Variants in AP2A2 observed in about 807,000 individuals in gnomAD.
AP2A2 encodes adaptor related protein complex 2 subunit alpha 2.
Under a neutral mutation model 104.2 loss-of-function variants are expected in AP2A2, and 32 were observed. That is an observed-to-expected ratio of 0.31 (90% CI 0.23 to 0.41). The LOEUF is 0.41. Among genes scored for constraint, AP2A2 ranks in the 10% least tolerant of loss-of-function variants. The pLI, the probability that AP2A2 is intolerant of heterozygous loss-of-function variation, is 1.00. For synonymous variants in AP2A2, 539 were observed against 533.3 expected (o/e 1.01, Z -0.15); for missense variants, 912 against 1,261.0 (o/e 0.72, Z 4.19).
chr11:1,001,069 G>T (rs1017937413), intron 15 of AP2A2, among the ~76,000 whole-genome samples: 1 of 152,210 alleles, frequency 6.6e-6, no homozygotes, highest in African/African-American at 2.4e-5. Flanking sequence ...AAGTCCTTCT[G>T]TGAGGCCCAC....
At position 968,359 on chromosome 11, in the gene AP2A2, C is replaced by T. The variant is rs914376278; in HGVS notation, c.137-1810C>T. On this transcript the variant is annotated intron_variant, in intron 2 of 21. Coordinates refer to ENST00000448903, the MANE Select transcript of AP2A2 (RefSeq NM_012305.4). The surrounding 1 kb of genome is among the most constrained non-coding windows in gnomAD (Gnocchi z 4.2). ...ACCCGGGAGCTCTAGAGCAGCTCTTCGTCTGGGGTCCCGCGGGAGCAGAGG... is the reference window on the plus strand; with the variant it reads ...ACCCGGGAGCTCTAGAGCAGCTCTTTGTCTGGGGTCCCGCGGGAGCAGAGG... Among the ~76,000 whole-genome samples, 7 of 152,022 alleles carry T rather than the reference C, an allele frequency of 4.6e-5. No individual in the cohort carries two copies. The highest frequency in any genetic ancestry group is 9.7e-5 in the African/African-American group (4 of 41,404).
At chr11:931,286 C>G (rs1034201884) in intron 1 of AP2A2, among the ~76,000 whole-genome samples, 8 of 152,078 alleles carry the variant, frequency 5.3e-5, no homozygotes, top group African/African-American at 1.7e-4. Context: ...GCTATTTATT[C>G]AGTTATTTTG....
At chr11:1,009,303 C>T in intron 19 of AP2A2, 25 bp from the exon 20 acceptor site, 1 of 1,612,552 alleles carries the variant, frequency 6.2e-7, no homozygotes, top group South Asian at 1.1e-5. Flanking sequence ...TGGCTGAGAA[C>T]ACTCGCCTTT....
chr11:967,792 G>A (rs1854672085), intron 2 of AP2A2, among the ~76,000 whole-genome samples: 1 of 152,140 alleles, frequency 6.6e-6, no homozygotes, highest in Admixed American at 6.5e-5. Flanking sequence ...ATCCTTTTAT[G>A]GTTTAGGATG....
chr11:1,011,477 G>A lies in AP2A2; in HGVS notation c.*852G>A, dbSNP rs1359061618. 4.0e-6 allele frequency: 2 copies of A among 498,742 alleles called. No individual in the cohort carries two copies. Among genetic ancestry groups the A allele is most frequent in the Non-Finnish European group, 8.0e-6 (2 of 250,090 alleles). 30.9% of individuals were successfully genotyped at this position (498,742 alleles called of 1,614,324 possible). On this transcript the variant is annotated 3_prime_UTR_variant, in exon 22 of 22. Coordinates refer to ENST00000448903, the MANE Select transcript of AP2A2 (RefSeq NM_012305.4). ...CGGCCCCGTCCAGTCGTCCCTGGAG[G>A]GGCTGTGGAGGAGGGACGCCTCTGT... is the stretch of plus-strand genomic sequence containing the variant.
chr11:981,069 G>A, intron 5 of AP2A2, 129 bp from the exon 6 acceptor site: 2 of 662,652 alleles, frequency 3.0e-6, no homozygotes, highest in Non-Finnish European at 5.2e-6. Flanking sequence ...TCTCGGAGTA[G>A]GCCTGAGGCC....
chr11:972,360 A>G (rs181555439), intron 4 of AP2A2, 105 bp downstream of exon 4: 2 of 1,218,608 alleles, frequency 1.6e-6, no homozygotes, highest in Admixed American at 2.8e-5. Flanking sequence ...TACTCTCCCC[A>G]TCTTATGGGA....
Position 959,785 on chromosome 11 carries a change from G to T in AP2A2, c.136+280G>T, listed in dbSNP as rs570683234. On this transcript the variant is annotated intron_variant, in intron 2 of 21. Coordinates refer to ENST00000448903, the MANE Select transcript of AP2A2 (RefSeq NM_012305.4). ...TTAGCCACCAGGCCAGCGTGCTGGG[G>T]GTTCAGAGGACAGACACCAAGTACG... 1.5e-3 allele frequency among the ~76,000 whole-genome samples: 223 copies of T among 152,240 alleles called. 1 individual carries two copies. The highest frequency in any genetic ancestry group is 2.8e-3 in the Non-Finnish European group (193 of 68,024).
rs377745968 is a variant in AP2A2, at chr11:1,010,532, G to A, written c.2743-16G>A. 1.2e-5 allele frequency: 19 copies of A among 1,576,926 alleles called. No homozygotes were observed. In the African/African-American group the frequency reaches 1.2e-4, roughly 10 times the overall value. ...GCCTCGGCGTGCCCGTTGACCTGCT[G>A]TGCTCTCTGTTTCAGATGTACCGGC... On this transcript the variant is annotated splice_polypyrimidine_tract_variant and intron_variant, in intron 21 of 21. Coordinates refer to ENST00000448903, the MANE Select transcript of AP2A2 (RefSeq NM_012305.4).
chr11:975,619 G>A (rs1372551559), intron 4 of AP2A2, among the ~76,000 whole-genome samples: 1 of 152,040 alleles, frequency 6.6e-6, no homozygotes, highest in African/African-American at 2.4e-5. Context: ...CGTGTGAGCC[G>A]ACGTCGGAGA....
Position 992,726 on chromosome 11 carries a change from A to G in AP2A2, c.1452+41A>G. 1.2e-6 allele frequency: 2 copies of G among 1,610,270 alleles called. No individual in the cohort carries two copies. Among genetic ancestry groups the G allele is most frequent in the Non-Finnish European group, 1.7e-6 (2 of 1,177,548 alleles). On this transcript the variant is annotated intron_variant, in intron 11 of 21. Coordinates refer to ENST00000448903, the MANE Select transcript of AP2A2 (RefSeq NM_012305.4). The surrounding 1 kb of genome is among the most constrained non-coding windows in gnomAD (Gnocchi z 6.4). The stretch of plus-strand genomic sequence containing the variant: ...TGGCAGGAAGGATGGGGTGGAGGGC[A>G]GTTGCAGAAGGTGAGCAGTGAGTGG...
intron 1 of AP2A2, among the ~76,000 whole-genome samples, chr11:930,439 A>G (rs1278896590): frequency 6.6e-6 from 1 of 152,094 alleles, no homozygotes; most frequent in Admixed American, 6.5e-5. Context: ...GCATGCATTC[A>G]GTGTGTGAGA....
At chr11:975,259 T>C (rs113231299) in intron 4 of AP2A2, among the ~76,000 whole-genome samples, 2 of 125,276 alleles carry the variant, frequency 1.6e-5, no homozygotes, top group South Asian at 2.6e-4. Context: ...AGCGAGTAGC[T>C]GTAGGGTCCT....
At chr11:955,234 G>A (rs1320369882) in intron 1 of AP2A2, among the ~76,000 whole-genome samples, 8 of 152,184 alleles carry the variant, frequency 5.3e-5, no homozygotes, top group Non-Finnish European at 8.8e-5. Context: ...CTGGCACACC[G>A]CACCCAGTGC....
In AP2A2 at chr11:966,286, A is replaced by C. The variant is rs574308015; in HGVS notation, c.137-3883A>C. 2.0e-5 allele frequency among the ~76,000 whole-genome samples: 3 copies of C among 152,298 alleles called. No homozygotes were observed. The East Asian group carries it at 5.8e-4, about 29-fold the overall frequency. ...GGCAGGCAGATCACTTAAGCTCAGG[A>C]GTTCAAGACCATCCTGGGCAACGTG... On this transcript the variant is annotated intron_variant, in intron 2 of 21. Coordinates refer to ENST00000448903, the MANE Select transcript of AP2A2 (RefSeq NM_012305.4).
At chr11:975,229 C>A (rs920331044) in intron 4 of AP2A2, among the ~76,000 whole-genome samples, 1 of 152,122 alleles carries the variant, frequency 6.6e-6, no homozygotes, top group Non-Finnish European at 1.5e-5. Context: ...TCCTCGGTCT[C>A]CCTCGTGTGA....
At chr11:1,003,895 G>T in intron 16 of AP2A2, 91 bp downstream of exon 16, 1 of 810,644 alleles carries the variant, frequency 1.2e-6, no homozygotes, top group Non-Finnish European at 1.9e-6. Context: ...ATAAGGGATA[G>T]ATATCCAGAA....
At chr11:1,007,158 G>C (rs2063193565) in intron 17 of AP2A2, 1 of 154,728 alleles carries the variant, frequency 6.5e-6, no homozygotes, top group Admixed American at 6.5e-5. Flanking sequence ...CCGCCAAATA[G>C]AGTTAGCGTG....
chr11:974,242 G>A (rs1277760920), intron 4 of AP2A2, among the ~76,000 whole-genome samples: 2 of 151,518 alleles, frequency 1.3e-5, no homozygotes, highest in Non-Finnish European at 2.9e-5. Context: ...TGGGTGGCCC[G>A]TGTTCTGGTG....
Sources: gnomAD v4.1 joint callset for allele counts (sites outside exome capture counted in the v4.1 genomes callset) on GRCh38, gnomAD v4.1.1 for gene constraint, Gnocchi (gnomAD v3.1) non-coding constraint, MANE v1.5 for transcripts, NCBI Gene and HGNC (gene_info 2026-07-23, HGNC 2026-07-21) for gene names.